WAPL: variants seen among roughly 807,000 people sequenced by gnomAD.
The protein encoded by WAPL is WAPL cohesin release factor.
WAPL carries 5 observed loss-of-function variants against 121.0 expected under a neutral mutation model. That is an observed-to-expected ratio of 0.04 (90% CI 0.02 to 0.09). The LOEUF (loss-of-function observed/expected upper bound fraction) is 0.09, where lower values mean the gene tolerates loss of function less well. WAPL is among the 10% of genes least tolerant of loss of function. The pLI is 1.00. For missense variants in WAPL, 999 were observed against 1,410.8 expected (o/e 0.71, Z 4.68); for synonymous variants, 480 against 481.5 (o/e 1.00, Z 0.04).
At chr10:86,504,811 G>A (rs1243439255) in intron 2 of WAPL, among the ~76,000 whole-genome samples, 1 of 151,878 alleles carries the variant, frequency 6.6e-6, no homozygotes, top group East Asian at 1.9e-4. Flanking sequence ...AACACAGCGA[G>A]GCTCCATCTT....
chr10:86,471,353 T>C (rs1030039419), intron 7 of WAPL, among the ~76,000 whole-genome samples: 4 of 152,210 alleles, frequency 2.6e-5, no homozygotes, highest in African/African-American at 9.6e-5. Context: ...ACGTTACTAC[T>C]ACCACCATTA....
chr10:86,495,240 G>A (rs1289973963), intron 4 of WAPL, among the ~76,000 whole-genome samples: 1 of 152,176 alleles, frequency 6.6e-6, no homozygotes, highest in African/African-American at 2.4e-5. Flanking sequence ...GCCAAGGCAG[G>A]CAGATAGCCT....
chr10:86,507,554 A>T (rs1159663711), intron 2 of WAPL, among the ~76,000 whole-genome samples: 3 of 151,982 alleles, frequency 2.0e-5, no homozygotes, highest in African/African-American at 7.3e-5. Flanking sequence ...ATCACACTGA[A>T]TTCCACCAAA....
At chr10:86,463,472 CGT>C (rs199810370) in intron 9 of WAPL, among the ~76,000 whole-genome samples, 2 of 152,152 alleles carry the variant, frequency 1.3e-5, no homozygotes, top group Non-Finnish European at 1.5e-5. Flanking sequence ...CCTTGGTTAA[CGT>C]GTGTGTGTCG....
chr10:86,519,870 G>A (rs1167023312), intron 1 of WAPL, among the ~76,000 whole-genome samples: 1 of 152,180 alleles, frequency 6.6e-6, no homozygotes, highest in Admixed American at 6.5e-5. Context: ...ATCTAGACTT[G>A]AGTTCCTTTA....
chr10:86,472,675 T>C lies in WAPL; in HGVS notation c.1830A>G (p.Thr610=). 6.2e-7 allele frequency: 1 copy of C among 1,614,000 alleles called. No homozygotes were observed. The highest frequency in any genetic ancestry group is 8.5e-7 in the Non-Finnish European group (1 of 1,179,900). Residue 610 remains threonine, a synonymous_variant, in exon 6 of 19, where the codon ACA becomes ACG. Coordinates refer to ENST00000298767, the MANE Select transcript of WAPL (RefSeq NM_015045.5). This position sits in a 1 kb window ranked among gnomAD's most constrained non-coding sequence, Gnocchi z 4.2. ...APPSKVIKTV[T]IPTQPYQDIV... ...TATCTTGGTAGGGCTGAGTAGGTATTGTCACAGTTTTTATCACTTTGGATG... is the reference window on the plus strand; with the variant it reads ...TATCTTGGTAGGGCTGAGTAGGTATCGTCACAGTTTTTATCACTTTGGATG...
chr10:86,515,562 C>G (rs1842539151), intron 2 of WAPL, among the ~76,000 whole-genome samples: 1 of 152,020 alleles, frequency 6.6e-6, no homozygotes, highest in Non-Finnish European at 1.5e-5. Flanking sequence ...ATAGGCAGAT[C>G]ACTTGAGGTC....
intron 15 of WAPL, among the ~76,000 whole-genome samples, chr10:86,448,655 C>T (rs1840896242): frequency 6.6e-6 from 1 of 152,104 alleles, no homozygotes; most frequent in African/African-American, 2.4e-5. Flanking sequence ...ATTCCCATTG[C>T]CCAGGCTGGA....
chr10:86,447,201 G>GT (rs1849644782), intron 15 of WAPL, among the ~76,000 whole-genome samples: 1 of 152,174 alleles, frequency 6.6e-6, no homozygotes, highest in Admixed American at 6.5e-5. Context: ...AACAGCTAAT[G>GT]TAATGTCTCC....
At chr10:86,505,428 A>C (rs1842331726) in intron 2 of WAPL, among the ~76,000 whole-genome samples, 1 of 147,638 alleles carries the variant, frequency 6.8e-6, no homozygotes, top group East Asian at 2.0e-4. Flanking sequence ...CTGGGACTAC[A>C]GGCGCGAGTC....
intron 2 of WAPL, among the ~76,000 whole-genome samples, chr10:86,504,975 A>G (rs184525967): frequency 4.0e-5 from 6 of 151,684 alleles, no homozygotes; most frequent in African/African-American, 1.5e-4. Flanking sequence ...ATTTCCAATA[A>G]ATTTTATCTT....
At chr10:86,507,863 A>T (rs901169593) in intron 2 of WAPL, among the ~76,000 whole-genome samples, 1 of 152,148 alleles carries the variant, frequency 6.6e-6, no homozygotes, top group Non-Finnish European at 1.5e-5. Flanking sequence ...CCGGGCACTC[A>T]GCATTTTAAA....
rs1327117708 is a variant in WAPL, at chr10:86,471,070, G to C, written c.2064C>G (p.Pro688=). The C allele has an allele frequency of 1.2e-6, 2 of 1,613,846 alleles. No homozygotes were observed. The highest frequency in any genetic ancestry group is 2.2e-5 in the East Asian group (1 of 44,850). ...GTGCTCTCAGGTGCATTCGAAAACTGGGCATGGCACATTTAGTAGCCAAGC... is the reference window on the plus strand; with the variant it reads ...GTGCTCTCAGGTGCATTCGAAAACTCGGCATGGCACATTTAGTAGCCAAGC... ...VISLATKCAM[P]SFRMHLRAHG... The change falls in exon 8 of 19, where the codon CCC becomes CCG. Residue 688 remains proline, a synonymous_variant. Transcript: ENST00000298767.
chr10:86,477,286 C>CTG (rs1841680539), intron 4 of WAPL, among the ~76,000 whole-genome samples: 1 of 152,194 alleles, frequency 6.6e-6, no homozygotes, highest in African/African-American at 2.4e-5. Context: ...CCTAAGTGAA[C>CTG]TGTGTATGTA....
In WAPL at chr10:86,500,550, A is replaced by G; in HGVS notation, c.693T>C (p.Ser231=). The G allele has an allele frequency of 6.2e-7, 1 of 1,614,138 alleles. No homozygotes were observed. The highest frequency in any genetic ancestry group is 8.5e-7 in the Non-Finnish European group (1 of 1,180,026). The change falls in exon 3 of 19, where the codon TCT becomes TCC. Residue 231 remains serine (S), a synonymous_variant. Coordinates refer to ENST00000298767, the MANE Select transcript of WAPL (RefSeq NM_015045.5). The part of the protein sequence containing the change: ...SPSEISPIKG[S]VRTGLFEWDN... ...CCCATTCAAACAAACCAGTTCTAACAGATCCCTTGATTGGAGATATTTCTG... is the reference window on the plus strand; with the variant it reads ...CCCATTCAAACAAACCAGTTCTAACGGATCCCTTGATTGGAGATATTTCTG...
intron 17 of WAPL, among the ~76,000 whole-genome samples, chr10:86,442,221 A>T (rs1002677920): frequency 6.6e-6 from 1 of 152,138 alleles, no homozygotes; most frequent in Non-Finnish European, 1.5e-5. Context: ...TAGTAGAGAC[A>T]TGGTTCTGCC....
At position 86,521,494 on chromosome 10, in the gene WAPL, G is replaced by A. The variant is rs1027542235; in HGVS notation, c.-152C>T. The A allele has an allele frequency of 8.6e-6, 3 of 348,246 alleles. No individual in the cohort carries two copies. Among genetic ancestry groups the A allele is most frequent in the Non-Finnish European group, 1.1e-5 (2 of 175,046 alleles). 21.6% of individuals were successfully genotyped at this position (348,246 alleles called of 1,614,324 possible). On this transcript the variant is annotated 5_prime_UTR_variant, in exon 1 of 19. Coordinates refer to ENST00000298767, the MANE Select transcript of WAPL (RefSeq NM_015045.5). The stretch of plus-strand genomic sequence containing the variant: ...CAGGTGAGAGCCGAGAGAGGCGAGG[G>A]ACTCTGCTTTCGGTAAATAGGAAGC...
chr10:86,504,556 A>G (rs1423971192), intron 2 of WAPL, among the ~76,000 whole-genome samples: 2 of 150,154 alleles, frequency 1.3e-5, no homozygotes, highest in African/African-American at 4.9e-5. Flanking sequence ...ACACACCTGT[A>G]GTCCAAGCTA....
At chr10:86,499,283 A>G (rs1284395622) in intron 3 of WAPL, among the ~76,000 whole-genome samples, 2 of 152,200 alleles carry the variant, frequency 1.3e-5, no homozygotes, top group African/African-American at 4.8e-5. Context: ...TCTAACAGGT[A>G]CTTTTAATAA....
Sources: allele counts gnomAD v4.1 joint callset (sites outside exome capture counted in the v4.1 genomes callset), GRCh38; gene constraint gnomAD v4.1.1; non-coding constraint Gnocchi (gnomAD v3.1); transcripts MANE v1.5; gene names NCBI Gene and HGNC (gene_info 2026-07-23, HGNC 2026-07-21).